TRIM66: variants seen among roughly 807,000 people sequenced by gnomAD.
The protein encoded by TRIM66 is tripartite motif-containing protein 66.
Under a neutral mutation model 148.2 loss-of-function variants are expected in TRIM66, and 99 were observed. The observed-to-expected ratio is 0.67, with a 90% CI of 0.57 to 0.79. The LOEUF is 0.79. Among genes scored for constraint, TRIM66 ranks in the 30% least tolerant of loss-of-function variants. The pLI is 0.00. For synonymous variants in TRIM66, 616 were observed against 635.9 expected (o/e 0.97, Z 0.47); for missense variants, 1,666 against 1,697.9 (o/e 0.98, Z 0.33).
chr11:8,615,988 G>C lies in TRIM66; in HGVS notation c.*1956C>G, dbSNP rs1310587970. The C allele has an allele frequency of 1.3e-5, 2 of 152,250 alleles. No individual in the cohort carries two copies. The highest frequency in any genetic ancestry group is 2.9e-5 in the Non-Finnish European group (2 of 68,074). 9.4% of individuals were successfully genotyped at this position (152,250 alleles called of 1,614,324 possible). A position where few individuals can be genotyped will look rare whatever the true frequency, so the allele number is the denominator to read the frequency against. On this transcript the variant is annotated 3_prime_UTR_variant, in exon 25 of 25. Coordinates refer to ENST00000646038, the MANE Select transcript of TRIM66 (RefSeq NM_001388022.1). ...AGCAGGAATTAGTGACATGAGAACA[G>C]AGGGTACTTTGCCAAGCCAACTGAA...
intron 6 of TRIM66, among the ~76,000 whole-genome samples, chr11:8,663,958 CA>C (rs1197689770): frequency 6.6e-6 from 1 of 152,064 alleles, no homozygotes; most frequent in Admixed American, 6.6e-5. Flanking sequence ...GAGCAGCTAC[CA>C]GGGGCTAGAG....
intron 15 of TRIM66, among the ~76,000 whole-genome samples, chr11:8,630,904 T>C (rs1351626790): frequency 1.3e-5 from 2 of 152,224 alleles, no homozygotes; most frequent in Non-Finnish European, 2.9e-5. Flanking sequence ...TAGTCACCTA[T>C]GTGACCCTGC....
chr11:8,666,079 G>A (rs1264768022), intron 6 of TRIM66, among the ~76,000 whole-genome samples: 1 of 152,072 alleles, frequency 6.6e-6, no homozygotes, highest in Non-Finnish European at 1.5e-5. Flanking sequence ...GCTCACTCCT[G>A]TAATTCTGGT....
intron 6 of TRIM66, among the ~76,000 whole-genome samples, chr11:8,669,030 A>T (rs1372817600): frequency 6.6e-6 from 1 of 152,038 alleles, no homozygotes; most frequent in African/African-American, 2.4e-5. Context: ...AAACAAATAG[A>T]CTTCACCTCT....
intron 17 of TRIM66, 35 bp from the exon 18 acceptor site, chr11:8,622,911 C>T: frequency 1.3e-6 from 2 of 1,538,036 alleles, no homozygotes; most frequent in Non-Finnish European, 1.8e-6. Context: ...CTGTGACACA[C>T]ATTTGTGGCA....
At chr11:8,638,971 T>G (rs1376842899) in intron 14 of TRIM66, among the ~76,000 whole-genome samples, 156 bp from the exon 15 acceptor site, 2 of 152,296 alleles carry the variant, frequency 1.3e-5, no homozygotes, top group East Asian at 3.9e-4. Flanking sequence ...AAAATACTCT[T>G]ATCCCAACTC....
chr11:8,669,125 G>A (rs2038776757), intron 6 of TRIM66, among the ~76,000 whole-genome samples: 1 of 152,096 alleles, frequency 6.6e-6, no homozygotes, highest in Non-Finnish European at 1.5e-5. Flanking sequence ...GCTGACAAAA[G>A]GTGCCACCAC....
rs1445741501 is a variant in TRIM66, at chr11:8,630,008, C to A, written c.2311-4780G>T. 3.3e-5 allele frequency among the ~76,000 whole-genome samples: 5 copies of A among 152,188 alleles called. No individual in the cohort carries two copies. In the East Asian group the frequency reaches 9.6e-4, roughly 29 times the overall value. On this transcript the variant is annotated intron_variant, in intron 15 of 24. Transcript: ENST00000646038. The stretch of plus-strand genomic sequence containing the variant: ...TAGTTATTTTTATACTATATCGGCT[C>A]TCTAGAGTGAAGGGTTGTAAAATAT...
intron 12 of TRIM66, among the ~76,000 whole-genome samples, chr11:8,643,704 C>T (rs2036602917): frequency 6.6e-6 from 1 of 152,142 alleles, no homozygotes; most frequent in Admixed American, 6.5e-5. Flanking sequence ...CTCACTACAT[C>T]GTTGACTGGC....
At chr11:8,659,266 A>T (rs1341929846) in intron 6 of TRIM66, among the ~76,000 whole-genome samples, 1 of 152,116 alleles carries the variant, frequency 6.6e-6, no homozygotes, top group Non-Finnish European at 1.5e-5. Flanking sequence ...CAGCCCAAAA[A>T]GTTTCTGGAG....
chr11:8,671,623 G>T (rs896415205), intron 6 of TRIM66, 163 bp downstream of exon 6: 6 of 595,370 alleles, frequency 1.0e-5, no homozygotes, highest in African/African-American at 1.9e-5. Context: ...GCATCAAGAG[G>T]ATTCACTCTG....
At chr11:8,655,725 T>A (rs1235447865) in intron 6 of TRIM66, among the ~76,000 whole-genome samples, 2 of 151,996 alleles carry the variant, frequency 1.3e-5, no homozygotes, top group African/African-American at 4.8e-5. Flanking sequence ...GAACTTGCAG[T>A]GAGCTGAGAT....
In TRIM66 at chr11:8,651,901, G is replaced by A; in HGVS notation, c.343C>T (p.Leu115Phe). ...AKAHETVADE[L>F]ISCPGCERVY... ...CGTTCACACCCAGGACAGGAGATGAGCTCTGTGCAAGAAAGAAAGATAGCA... is the reference window on the plus strand; with the variant it reads ...CGTTCACACCCAGGACAGGAGATGAACTCTGTGCAAGAAAGAAAGATAGCA... The change falls in exon 7 of 25, where the codon CTC (leucine) becomes TTC (phenylalanine). Residue 115 changes from leucine (L) to phenylalanine (F), a missense_variant and splice_region_variant. This residue lies in a region of TRIM66 where 1,431 missense variants were observed against 1,412.4 expected (regional missense o/e 1.01). Coordinates refer to ENST00000646038, the MANE Select transcript of TRIM66 (RefSeq NM_001388022.1). 2 of 1,550,522 alleles carry A rather than the reference G, an allele frequency of 1.3e-6. No individual in the cohort carries two copies. Among genetic ancestry groups the A allele is most frequent in the Non-Finnish European group, 8.7e-7 (1 of 1,146,178 alleles).
At chr11:8,638,545 G>T in intron 15 of TRIM66, 109 bp downstream of exon 15, 1 of 1,241,944 alleles carries the variant, frequency 8.1e-7, no homozygotes, top group Non-Finnish European at 1.1e-6. Context: ...AGCGTCCAGG[G>T]ATGGAACAGG....
chr11:8,647,956 C>T lies in TRIM66; in HGVS notation c.842+14G>A. The T allele has an allele frequency of 6.5e-7, 1 of 1,545,788 alleles. No individual in the cohort carries two copies. The highest frequency in any genetic ancestry group is 8.8e-7 in the Non-Finnish European group (1 of 1,141,562). On this transcript the variant is annotated intron_variant, in intron 10 of 24. Transcript: ENST00000646038. Reference sequence around the variant, plus strand: ...GAGCATTTCCAGCACTGGCAAGGCACTAGCCTGTGCTACCTGTCCTCAATT... The same window carrying T: ...GAGCATTTCCAGCACTGGCAAGGCATTAGCCTGTGCTACCTGTCCTCAATT...
At chr11:8,647,278 T>A (rs1043722173) in intron 10 of TRIM66, among the ~76,000 whole-genome samples, 1 of 152,148 alleles carries the variant, frequency 6.6e-6, no homozygotes, top group Admixed American at 6.5e-5. Flanking sequence ...TATATCTCAG[T>A]AAAGCTATTT....
chr11:8,682,677 GCGCAAT>G, upstream of TRIM66: 1 of 960,480 alleles, frequency 1.0e-6, no homozygotes, highest in Non-Finnish European at 1.7e-6. Flanking sequence ...ACTAGCAGGC[GCGCAAT>G]CCCGCGAGAC....
intron 12 of TRIM66, among the ~76,000 whole-genome samples, chr11:8,644,717 A>G (rs188328701): frequency 6.6e-6 from 1 of 152,180 alleles, no homozygotes; most frequent in Admixed American, 6.5e-5. Context: ...CAACTCTGCC[A>G]TCTTCTCAGG....
intron 15 of TRIM66, among the ~76,000 whole-genome samples, 196 bp from the exon 16 acceptor site, chr11:8,625,424 A>G (rs2034724761): frequency 6.6e-6 from 1 of 151,864 alleles, no homozygotes; most frequent in Non-Finnish European, 1.5e-5. Context: ...GGAGGCTGCT[A>G]GGCTATGACA....
Sources: allele counts gnomAD v4.1 joint callset (sites outside exome capture counted in the v4.1 genomes callset), GRCh38; gene constraint gnomAD v4.1.1; regional missense constraint gnomAD v4.1.1; transcripts MANE v1.5; gene names NCBI Gene and HGNC (gene_info 2026-07-23, HGNC 2026-07-21).